SLC2A12: variants seen among roughly 807,000 people sequenced by gnomAD.
SLC2A12 encodes solute carrier family 2 member 12.
SLC2A12 carries 23 observed loss-of-function variants against 41.8 expected under a neutral mutation model. The observed-to-expected ratio is 0.55, with a 90% CI of 0.40 to 0.78. SLC2A12 has a LOEUF of 0.78. SLC2A12 is among the 30% of genes least tolerant of loss of function. The pLI is 0.00. For missense variants in SLC2A12, 654 were observed against 745.6 expected (o/e 0.88, Z 1.43); for synonymous variants, 295 against 285.9 (o/e 1.03, Z -0.32).
At chr6:134,037,737 T>G (rs1777323707) in intron 1 of SLC2A12, among the ~76,000 whole-genome samples, 1 of 152,212 alleles carries the variant, frequency 6.6e-6, no homozygotes, top group Non-Finnish European at 1.5e-5. Flanking sequence ...GTTTGTATCC[T>G]GCCTTAGACT....
intron 1 of SLC2A12, among the ~76,000 whole-genome samples, chr6:134,034,406 C>CA (rs1215328634): frequency 6.6e-6 from 1 of 152,208 alleles, no homozygotes; most frequent in African/African-American, 2.4e-5. Flanking sequence ...GTTTGATCCT[C>CA]AGCCTTTCCA....
At chr6:134,040,890 G>A (rs1456393097) in intron 1 of SLC2A12, among the ~76,000 whole-genome samples, 3 of 152,180 alleles carry the variant, frequency 2.0e-5, no homozygotes, top group East Asian at 3.8e-4. Flanking sequence ...AATGGCTGTG[G>A]TATATTCAGT....
At chr6:134,050,988 C>T (rs575882444) in intron 1 of SLC2A12, among the ~76,000 whole-genome samples, 54 of 152,246 alleles carry the variant, frequency 3.5e-4, no homozygotes, top group African/African-American at 1.1e-3. Flanking sequence ...AGTGCAGTGT[C>T]ATGATCTCAG....
At chr6:134,043,077 C>A (rs1347011313) in intron 1 of SLC2A12, among the ~76,000 whole-genome samples, 2 of 152,160 alleles carry the variant, frequency 1.3e-5, no homozygotes, top group East Asian at 1.9e-4. Flanking sequence ...GATGGGCCTA[C>A]CTAATATTCA....
At chr6:134,018,634 G>A (rs1481539624) in intron 2 of SLC2A12, among the ~76,000 whole-genome samples, 1 of 152,058 alleles carries the variant, frequency 6.6e-6, no homozygotes, top group Non-Finnish European at 1.5e-5. Context: ...TATCATATCG[G>A]AAATAACCCT....
chr6:134,008,714 G>A (rs779800905), intron 2 of SLC2A12, among the ~76,000 whole-genome samples: 19 of 152,134 alleles, frequency 1.2e-4, no homozygotes, highest in East Asian at 1.9e-4. Flanking sequence ...ACCTGTCCTC[G>A]GACAAATGCA....
At chr6:134,007,047 G>C in intron 2 of SLC2A12, 113 bp from the exon 3 acceptor site, 2 of 1,448,438 alleles carry the variant, frequency 1.4e-6, no homozygotes, top group South Asian at 2.7e-5. Flanking sequence ...ATTTGTGGTT[G>C]GGAAGCACCA....
chr6:134,044,101 C>T (rs965550124), intron 1 of SLC2A12, among the ~76,000 whole-genome samples: 24 of 152,166 alleles, frequency 1.6e-4, no homozygotes, highest in Admixed American at 2.0e-4. Flanking sequence ...CTCAGTTACA[C>T]GTGCTCGGCT....
intron 1 of SLC2A12, among the ~76,000 whole-genome samples, chr6:134,039,465 C>G (rs1777351006): frequency 6.6e-6 from 1 of 152,164 alleles, no homozygotes; most frequent in South Asian, 2.1e-4. Flanking sequence ...ATTTATGTTT[C>G]CTATAAATAG....
At chr6:134,043,790 C>CAA (rs529160646) in intron 1 of SLC2A12, among the ~76,000 whole-genome samples, 46 of 69,938 alleles carry the variant, frequency 6.6e-4, no homozygotes, top group East Asian at 1.4e-3. Context: ...GACTCTGTCC[C>CAA]AAAAAAAAAA....
chr6:134,049,714 T>G (rs1340062600), intron 1 of SLC2A12, among the ~76,000 whole-genome samples: 1 of 152,222 alleles, frequency 6.6e-6, no homozygotes, highest in Non-Finnish European at 1.5e-5. Flanking sequence ...ATGAATTAAG[T>G]TCATTAGCTT....
At position 133,992,235 on chromosome 6, in the gene SLC2A12, A is replaced by T. The variant is rs558100322; in HGVS notation, c.1701-927T>A. The stretch of plus-strand genomic sequence containing the variant: ...AGGGGGAAATTGATGCAGTCAGTGT[A>T]CAAATGGAAGCATTGGCCTTTGCAA... On this transcript the variant is annotated intron_variant, in intron 4 of 4. Transcript: ENST00000275230. Among the ~76,000 whole-genome samples the T allele has an allele frequency of 2.6e-5, 4 of 152,316 alleles. No homozygotes were observed. In the East Asian group the frequency reaches 7.7e-4, roughly 29 times the overall value.
chr6:134,046,031 G>T (rs569922815), intron 1 of SLC2A12, among the ~76,000 whole-genome samples: 7 of 152,234 alleles, frequency 4.6e-5, no homozygotes, highest in African/African-American at 9.6e-5. Flanking sequence ...TTAGTGTGAG[G>T]ATGCTCTCTC....
chr6:134,052,570 T>C lies in SLC2A12; in HGVS notation c.-90A>G. Reference sequence around the variant, plus strand: ...AGTGGTCACTTTCCCCATAATAGCATGCTAAAGAAGAGTGTGGGGAAAAAC... The same window carrying C: ...AGTGGTCACTTTCCCCATAATAGCACGCTAAAGAAGAGTGTGGGGAAAAAC... On this transcript the variant is annotated 5_prime_UTR_variant, in exon 1 of 5. An upstream start codon of the reference 5' UTR is lost. Coordinates refer to ENST00000275230, the MANE Select transcript of SLC2A12 (RefSeq NM_145176.3). 1.0e-6 allele frequency: 1 copy of C among 970,542 alleles called. No individual in the cohort carries two copies. The highest frequency in any genetic ancestry group is 2.4e-5 in the East Asian group (1 of 41,410). The allele number at this position is 970,542 out of a possible 1,614,324, so 60.1% of individuals were successfully genotyped here.
At chr6:133,992,116 G>T (rs993793037) in intron 4 of SLC2A12, among the ~76,000 whole-genome samples, 1 of 152,202 alleles carries the variant, frequency 6.6e-6, no homozygotes, top group African/African-American at 2.4e-5. Context: ...GCAGGGAAAC[G>T]GTTGGTATCT....
intron 2 of SLC2A12, among the ~76,000 whole-genome samples, chr6:134,024,846 T>C (rs902741420): frequency 6.6e-6 from 1 of 152,236 alleles, no homozygotes; most frequent in African/African-American, 2.4e-5. Context: ...CTCCAGCTAT[T>C]AAGTAAGAGA....
intron 2 of SLC2A12, among the ~76,000 whole-genome samples, chr6:134,017,887 C>T: frequency 6.6e-6 from 1 of 151,846 alleles, no homozygotes; most frequent in South Asian, 2.1e-4. Flanking sequence ...GAAGAGTGGA[C>T]ATTTGTATGT....
intron 2 of SLC2A12, among the ~76,000 whole-genome samples, chr6:134,024,151 T>G (rs548595156): frequency 2.6e-5 from 4 of 152,218 alleles, no homozygotes; most frequent in Non-Finnish European, 5.9e-5. Flanking sequence ...AGCACTAGAC[T>G]GGGCTCTGGG....
In SLC2A12 at chr6:134,042,354, G is replaced by T. The variant is rs930722921; in HGVS notation, c.103+10024C>A. Among the ~76,000 whole-genome samples, 122 of 152,046 alleles carry T rather than the reference G, an allele frequency of 8.0e-4. 1 individual carries two copies. Among genetic ancestry groups the T allele is most frequent in the African/African-American group, 2.9e-3 (120 of 41,398 alleles). ...AATTTACTAAAATTAATACCTGAAT[G>T]GCCACCTGAACACTAAGGGTTAAGC... On this transcript the variant is annotated intron_variant, in intron 1 of 4. Transcript: ENST00000275230.
Sources: gnomAD v4.1 joint callset for allele counts (sites outside exome capture counted in the v4.1 genomes callset) on GRCh38, gnomAD v4.1.1 for gene constraint, MANE v1.5 for transcripts, NCBI Gene and HGNC (gene_info 2026-07-23, HGNC 2026-07-21) for gene names.